Variants in RARB observed in about 807,000 individuals in gnomAD.
RARB encodes the protein retinoic acid receptor beta, also known as HBV-activated protein.
RARB carries 17 observed loss-of-function variants against 51.9 expected under a neutral mutation model. The ratio of observed to expected loss-of-function variants is 0.33; its 90% confidence interval spans 0.22 to 0.49. The LOEUF (loss-of-function observed/expected upper bound fraction) is 0.49, where lower values mean the gene tolerates loss of function less well. Among genes scored for constraint, RARB ranks in the 20% least tolerant of loss-of-function variants. The pLI, the probability that RARB is intolerant of heterozygous loss-of-function variation, is 0.99. For missense variants in RARB, 369 were observed against 550.8 expected (o/e 0.67, Z 3.30); for synonymous variants, 215 against 195.4 (o/e 1.10, Z -0.84).
chr3:24,891,955 G>C (rs970189958), intron 2 of RARB, among the ~76,000 whole-genome samples: 1 of 152,154 alleles, frequency 6.6e-6, no homozygotes, highest in Admixed American at 6.5e-5. Context: ...CAGTGGTTGA[G>C]AATTTACCAA....
chr3:25,211,138 A>G lies in RARB; in HGVS notation c.178+36563A>G, dbSNP rs377050972. ...TAACTTTTATTCATCAGATCAATTG[A>G]TATTATTGATGTTGAAAATATGGTC... On this transcript the variant is annotated intron_variant, in intron 5 of 11. Coordinates refer to the RARB transcript ENST00000383772. Among the ~76,000 whole-genome samples, 80 of 152,308 alleles carry G rather than the reference A, an allele frequency of 5.3e-4. 1 individual carries two copies. The highest frequency in any genetic ancestry group is 1.8e-3 in the African/African-American group (74 of 41,564).
intron 2 of RARB, among the ~76,000 whole-genome samples, chr3:24,971,081 T>C (rs969669717): frequency 6.6e-6 from 1 of 151,982 alleles, no homozygotes; most frequent in East Asian, 1.9e-4. Flanking sequence ...GATATCACTT[T>C]AAATATGGCA....
At chr3:24,992,059 C>A (rs187348303) in intron 2 of RARB, among the ~76,000 whole-genome samples, 3 of 152,156 alleles carry the variant, frequency 2.0e-5, no homozygotes, top group Non-Finnish European at 4.4e-5. Context: ...TGGGCCCTTG[C>A]AACTCCAGCA....
intron 4 of RARB, among the ~76,000 whole-genome samples, chr3:25,153,822 C>T (rs1700332421): frequency 6.6e-6 from 1 of 152,164 alleles, no homozygotes; most frequent in Non-Finnish European, 1.5e-5. Context: ...GTTTATCTTT[C>T]TGCCACACTT....
At chr3:25,187,650 A>G (rs1227132376) in intron 5 of RARB, among the ~76,000 whole-genome samples, 2 of 152,118 alleles carry the variant, frequency 1.3e-5, no homozygotes, top group African/African-American at 4.8e-5. Context: ...AGAAATGCAA[A>G]TGAAGATTTC....
chr3:24,894,738 C>T (rs1311039099), intron 2 of RARB, among the ~76,000 whole-genome samples: 1 of 152,188 alleles, frequency 6.6e-6, no homozygotes, highest in African/African-American at 2.4e-5. Context: ...AATTCAGTTA[C>T]TTAGCATATT....
intron 5 of RARB, among the ~76,000 whole-genome samples, chr3:25,323,781 A>G (rs1341238067): frequency 6.6e-6 from 1 of 152,216 alleles, no homozygotes; most frequent in Non-Finnish European, 1.5e-5. Context: ...AAATGGATGA[A>G]CATAGGGATA....
intron 2 of RARB, among the ~76,000 whole-genome samples, chr3:25,487,027 G>A (rs1407928676): frequency 6.6e-6 from 1 of 152,156 alleles, no homozygotes; most frequent in Non-Finnish European, 1.5e-5. Context: ...AGGAGAGAGA[G>A]GAGGGATGCT....
At chr3:24,892,117 C>A (rs1213924096) in intron 2 of RARB, among the ~76,000 whole-genome samples, 1 of 151,586 alleles carries the variant, frequency 6.6e-6, no homozygotes, top group Non-Finnish European at 1.5e-5. Context: ...TGTTGCAGGG[C>A]CAAAAGTAGC....
intron 5 of RARB, among the ~76,000 whole-genome samples, chr3:25,181,869 A>G (rs1432214870): frequency 6.6e-6 from 1 of 152,164 alleles, no homozygotes; most frequent in Non-Finnish European, 1.5e-5. Context: ...TCGGTATTCA[A>G]GTCACCAATT....
chr3:24,962,516 G>A (rs995845379), intron 2 of RARB, among the ~76,000 whole-genome samples: 10 of 152,144 alleles, frequency 6.6e-5, no homozygotes, highest in African/African-American at 2.2e-4. Context: ...GCCACAGACC[G>A]ATACCAGTCC....
intron 5 of RARB, among the ~76,000 whole-genome samples, chr3:25,258,065 T>C (rs1191622524): frequency 6.6e-6 from 1 of 152,096 alleles, no homozygotes; most frequent in Non-Finnish European, 1.5e-5. Context: ...CATTGTGTTG[T>C]CCTCAGCTTT....
At chr3:25,526,251 T>C (rs930694675) in intron 3 of RARB, among the ~76,000 whole-genome samples, 1 of 152,050 alleles carries the variant, frequency 6.6e-6, no homozygotes, top group African/African-American at 2.4e-5. Flanking sequence ...TGGAATATAG[T>C]AAGTGAGGAA....
chr3:25,014,402 C>G (rs1021469100), intron 2 of RARB, among the ~76,000 whole-genome samples: 12 of 152,074 alleles, frequency 7.9e-5, no homozygotes, highest in Non-Finnish European at 4.4e-5. Context: ...AGAGAGGCTA[C>G]CTGTAGAGAG....
At chr3:25,304,897 T>C (rs893718727) in intron 5 of RARB, among the ~76,000 whole-genome samples, 4 of 152,190 alleles carry the variant, frequency 2.6e-5, no homozygotes, top group African/African-American at 9.7e-5. Flanking sequence ...ACTCCAGTGG[T>C]ATTTTTATTT....
chr3:25,497,082 C>T (rs566144948), intron 2 of RARB, among the ~76,000 whole-genome samples: 55 of 152,282 alleles, frequency 3.6e-4, no homozygotes, highest in African/African-American at 1.3e-3. Flanking sequence ...CGGGCTTTCT[C>T]CACGTTGGTC....
At chr3:25,169,609 T>C (rs1464350424) in intron 4 of RARB, among the ~76,000 whole-genome samples, 4 of 152,178 alleles carry the variant, frequency 2.6e-5, no homozygotes, top group African/African-American at 9.7e-5. Context: ...GATAAAATTA[T>C]GTTGGGAGTA....
intron 3 of RARB, among the ~76,000 whole-genome samples, chr3:25,518,310 G>A (rs916404809): frequency 1.3e-5 from 2 of 152,022 alleles, no homozygotes; most frequent in African/African-American, 4.8e-5. Context: ...GACAAGTTCA[G>A]TGACAAGACT....
intron 3 of RARB, among the ~76,000 whole-genome samples, chr3:25,070,454 A>G (rs1168807020): frequency 6.6e-6 from 1 of 152,220 alleles, no homozygotes; most frequent in Non-Finnish European, 1.5e-5. Flanking sequence ...ATTCAGTTCA[A>G]TAAGCACTTA....
Sources: gnomAD v4.1 joint callset for allele counts (sites outside exome capture counted in the v4.1 genomes callset) on GRCh38, gnomAD v4.1.1 for gene constraint, MANE v1.5 for transcripts, NCBI Gene and HGNC (gene_info 2026-07-23, HGNC 2026-07-21) for gene names.